CDYL2: variants seen among roughly 807,000 people sequenced by gnomAD.
CDYL2 encodes the protein chromodomain Y-like protein 2.
In CDYL2, 23 loss-of-function variants were observed where a neutral mutation model predicts 49.4. The observed-to-expected ratio is 0.47, with a 90% CI of 0.34 to 0.66. The LOEUF (loss-of-function observed/expected upper bound fraction) is 0.66. Ranked by LOEUF, CDYL2 falls within the 30% of genes least tolerant of loss-of-function variation. The pLI, the probability that CDYL2 is intolerant of heterozygous loss-of-function variation, is 0.01. For synonymous variants in CDYL2, 360 were observed against 268.8 expected (o/e 1.34, Z -3.32); for missense variants, 678 against 656.4 (o/e 1.03, Z -0.36).
In CDYL2 at chr16:80,642,165, G is replaced by C. The variant is rs549329114; in HGVS notation, c.617-8929C>G. Among the ~76,000 whole-genome samples the C allele has an allele frequency of 2.0e-5, 3 of 152,256 alleles. No individual in the cohort carries two copies. The East Asian group carries it at 5.8e-4, about 29-fold the overall frequency. ...AGGTATAAAATATTTATTAGTCGCC[G>C]GGTGTGGTGGCTCACGCCTGTAATC... On this transcript the variant is annotated intron_variant, in intron 2 of 6. Transcript: ENST00000570137.
intron 1 of CDYL2, among the ~76,000 whole-genome samples, chr16:80,700,261 C>CA (rs1462712784): frequency 6.6e-6 from 1 of 152,064 alleles, no homozygotes; most frequent in Admixed American, 6.5e-5. Flanking sequence ...ATATCAAACA[C>CA]AAAAAATGCG....
At chr16:80,727,098 G>A (rs986534879) in intron 1 of CDYL2, among the ~76,000 whole-genome samples, 7 of 152,228 alleles carry the variant, frequency 4.6e-5, no homozygotes, top group African/African-American at 1.4e-4. Context: ...TGGGAGCCAA[G>A]ATGGCCAAAT....
Position 80,612,834 on chromosome 16 carries a change from T to G in CDYL2, c.1010A>C (p.Asp337Ala). The G allele has an allele frequency of 6.2e-7, 1 of 1,605,100 alleles. No individual in the cohort carries two copies. Among genetic ancestry groups the G allele is most frequent in the African/African-American group, 1.3e-5 (1 of 74,532 alleles). Reference protein sequence around the residue: ...ESTRIAEAIRDFVKAFIQFKK... With the variant: ...ESTRIAEAIRAFVKAFIQFKK... ...AAACTGGATAAAGGCCTTCACAAAGTCCCTGGGAGAGAAAGAAGATCCTCT... is the reference window on the plus strand; with the variant it reads ...AAACTGGATAAAGGCCTTCACAAAGGCCCTGGGAGAGAAAGAAGATCCTCT... Residue 337 changes from aspartate to alanine, a missense_variant and splice_region_variant, in exon 5 of 7, where the codon GAC becomes GCC. Transcript: ENST00000570137. This position sits in a 1 kb window ranked among gnomAD's most constrained non-coding sequence, Gnocchi z 5.0.
chr16:80,709,860 T>C (rs190768864), intron 1 of CDYL2, among the ~76,000 whole-genome samples: 6 of 152,296 alleles, frequency 3.9e-5, no homozygotes, highest in Admixed American at 6.5e-5. Flanking sequence ...ACATTTTTGA[T>C]TTTGTACCCC....
chr16:80,744,919 A>C (rs1009911095), intron 1 of CDYL2, among the ~76,000 whole-genome samples: 1 of 152,184 alleles, frequency 6.6e-6, no homozygotes, highest in Non-Finnish European at 1.5e-5. Flanking sequence ...AGTGCCACTG[A>C]GCCACCTGTC....
At chr16:80,679,619 A>T in intron 2 of CDYL2, 2 of 448,510 alleles carry the variant, frequency 4.5e-6, no homozygotes, top group Non-Finnish European at 9.0e-6. Context: ...AAGTACTTAT[A>T]CTCTAAAACT....
intron 2 of CDYL2, among the ~76,000 whole-genome samples, chr16:80,636,832 A>G (rs903427008): frequency 6.6e-6 from 1 of 152,240 alleles, no homozygotes; most frequent in African/African-American, 2.4e-5. Context: ...GACTGGATTA[A>G]GAAAATGTGG....
At chr16:80,667,727 GA>G (rs1909326107) in intron 2 of CDYL2, among the ~76,000 whole-genome samples, 2 of 152,292 alleles carry the variant, frequency 1.3e-5, no homozygotes, top group Admixed American at 1.3e-4. Flanking sequence ...GAAAAAGGGG[GA>G]AAAAATTGAA....
At chr16:80,641,562 C>T (rs954055571) in intron 2 of CDYL2, among the ~76,000 whole-genome samples, 2 of 151,930 alleles carry the variant, frequency 1.3e-5, no homozygotes, top group African/African-American at 2.4e-5. Flanking sequence ...GAATACTAAG[C>T]AGCCATAAAA....
At chr16:80,757,553 A>AAAAAAAT (rs1555535736) in intron 1 of CDYL2, among the ~76,000 whole-genome samples, 10 of 143,876 alleles carry the variant, frequency 7.0e-5, no homozygotes, top group Non-Finnish European at 1.0e-4. Flanking sequence ...AAAAAAAAAA[A>AAAAAAAT]ATATATATAT....
intron 1 of CDYL2, among the ~76,000 whole-genome samples, chr16:80,743,020 G>C (rs1292562163): frequency 7.1e-6 from 1 of 140,120 alleles, no homozygotes; most frequent in Non-Finnish European, 1.6e-5. Context: ...ATGGGTAAGA[G>C]GGTGGGTGGG....
intron 1 of CDYL2, among the ~76,000 whole-genome samples, chr16:80,719,623 G>T (rs974306253): frequency 6.6e-6 from 1 of 152,192 alleles, no homozygotes; most frequent in Non-Finnish European, 1.5e-5. Flanking sequence ...AGACAAACAA[G>T]TATCTGTACC....
intron 2 of CDYL2, among the ~76,000 whole-genome samples, chr16:80,672,309 A>G (rs1909543578): frequency 1.5e-5 from 2 of 129,768 alleles, no homozygotes; most frequent in African/African-American, 2.9e-5. Flanking sequence ...GTGTTTTCAT[A>G]CAAAATGTTA....
rs141401861 is a variant in CDYL2, at chr16:80,633,082, T to C, written c.771A>G (p.Glu257=). The C allele has an allele frequency of 8.2e-5, 133 of 1,614,186 alleles. 1 individual carries two copies. Among genetic ancestry groups the C allele is most frequent in the Non-Finnish European group, 1.1e-4 (127 of 1,180,020 alleles). Residue 257 remains glutamate, a synonymous_variant, in exon 3 of 7, where the codon GAA becomes GAG. Coordinates refer to ENST00000570137, the MANE Select transcript of CDYL2 (RefSeq NM_152342.4). ...ACAGCAGGATGTGCGTGAACCCTTCTTCCTTCCGCACAACGATGTCTCGAA... is the reference window on the plus strand; with the variant it reads ...ACAGCAGGATGTGCGTGAACCCTTCCTCCTTCCGCACAACGATGTCTCGAA... ...CRFRDIVVRK[E]EGFTHILLSS...
intron 2 of CDYL2, among the ~76,000 whole-genome samples, chr16:80,662,181 T>C (rs1423753074): frequency 2.0e-5 from 3 of 152,210 alleles, no homozygotes; most frequent in Non-Finnish European, 4.4e-5. Flanking sequence ...CTCGTATTTA[T>C]ATCACATCTG....
chr16:80,729,711 C>A (rs1905267736), intron 1 of CDYL2, among the ~76,000 whole-genome samples: 1 of 152,136 alleles, frequency 6.6e-6, no homozygotes, highest in African/African-American at 2.4e-5. Context: ...GTAAAGCTCT[C>A]CTCGGCAAAT....
At chr16:80,792,416 C>T (rs746860523) in intron 1 of CDYL2, among the ~76,000 whole-genome samples, 8 of 152,102 alleles carry the variant, frequency 5.3e-5, no homozygotes, top group Non-Finnish European at 7.4e-5. Flanking sequence ...GAAGTCACAG[C>T]CTCTGAAATA....
chr16:80,627,335 T>G (rs1254760618), intron 3 of CDYL2, among the ~76,000 whole-genome samples: 1 of 151,898 alleles, frequency 6.6e-6, no homozygotes, highest in Non-Finnish European at 1.5e-5. Flanking sequence ...GAACTGAAAT[T>G]CTATAGATGA....
At position 80,612,919 on chromosome 16, in the gene CDYL2, T is replaced by G; in HGVS notation, c.1008-83A>C. On this transcript the variant is annotated intron_variant, in intron 4 of 6. Transcript: ENST00000570137. The surrounding 1 kb of genome is among the most constrained non-coding windows in gnomAD (Gnocchi z 5.0). ...GAACCCTTGACTCTCCCAGGTGCTG[T>G]GAGGAGCACCCTCAGGTCGTCAGAG... 2.3e-6 allele frequency: 3 copies of G among 1,285,046 alleles called. No individual in the cohort carries two copies. The highest frequency in any genetic ancestry group is 3.2e-6 in the Non-Finnish European group (3 of 942,468). 79.6% of individuals were successfully genotyped at this position (1,285,046 alleles called of 1,614,324 possible).
Sources: gnomAD v4.1 joint callset for allele counts (sites outside exome capture counted in the v4.1 genomes callset) on GRCh38, gnomAD v4.1.1 for gene constraint, Gnocchi (gnomAD v3.1) non-coding constraint, MANE v1.5 for transcripts, NCBI Gene and HGNC (gene_info 2026-07-23, HGNC 2026-07-21) for gene names.